LEKR1: variants seen among roughly 807,000 people sequenced by gnomAD.
The protein encoded by LEKR1 is protein LEKR1.
A neutral mutation model predicts 72.4 loss-of-function variants in LEKR1; 59 were observed. That is an observed-to-expected ratio of 0.82 (90% CI 0.66 to 1.01). LEKR1 has a LOEUF of 1.01. LEKR1 is among the 50% of genes least tolerant of loss of function. LEKR1 has a pLI of 0.00. For missense variants in LEKR1, 728 were observed against 759.2 expected (o/e 0.96, Z 0.48); for synonymous variants, 257 against 263.2 (o/e 0.98, Z 0.23).
At chr3:157,040,917 C>T (rs1735297765) in intron 12 of LEKR1, among the ~76,000 whole-genome samples, 1 of 152,180 alleles carries the variant, frequency 6.6e-6, no homozygotes, top group South Asian at 2.1e-4. Flanking sequence ...AAAACCTTCT[C>T]TCCCTTCTTC....
At chr3:156,890,133 A>G (rs111784856) in intron 3 of LEKR1, among the ~76,000 whole-genome samples, 39 of 152,326 alleles carry the variant, frequency 2.6e-4, no homozygotes, top group African/African-American at 7.9e-4. Context: ...TAAATGCTCA[A>G]TGCTCAATAG....
chr3:156,958,665 T>C (rs528276831), intron 6 of LEKR1, among the ~76,000 whole-genome samples: 38 of 152,266 alleles, frequency 2.5e-4, no homozygotes, highest in African/African-American at 8.7e-4. Context: ...GATTTCATTT[T>C]TTCAGCAAGT....
At chr3:156,854,751 G>GCTATGTTGC (rs1168497982) in intron 3 of LEKR1, among the ~76,000 whole-genome samples, 1 of 150,512 alleles carries the variant, frequency 6.6e-6, no homozygotes, top group African/African-American at 2.4e-5. Context: ...ATGCTGTTTT[G>GCTATGTTGC]CTATGTTGCC....
intron 3 of LEKR1, among the ~76,000 whole-genome samples, chr3:156,900,910 C>T (rs1312364088): frequency 2.6e-5 from 4 of 152,004 alleles, no homozygotes; most frequent in Admixed American, 6.6e-5. Flanking sequence ...GCATTATTAA[C>T]GAAACTCTTT....
chr3:156,923,516 T>A (rs1263125491), intron 4 of LEKR1, among the ~76,000 whole-genome samples: 1 of 152,220 alleles, frequency 6.6e-6, no homozygotes, highest in Non-Finnish European at 1.5e-5. Context: ...TGTTCCTTTT[T>A]ATTGCTGAAC....
intron 9 of LEKR1, among the ~76,000 whole-genome samples, chr3:157,000,288 C>G (rs1028704028): frequency 6.6e-6 from 1 of 151,966 alleles, no homozygotes; most frequent in South Asian, 2.1e-4. Flanking sequence ...AAAATGTAAA[C>G]TGTTTACTTA....
rs1729115729 is a variant in LEKR1 at position 156,970,933 on chromosome 3, C to T, written c.746-8261C>T. 2.0e-5 allele frequency among the ~76,000 whole-genome samples: 3 copies of T among 151,854 alleles called. No homozygotes were observed. The South Asian group carries it at 6.3e-4, about 32-fold the overall frequency. On this transcript the variant is annotated intron_variant, in intron 6 of 12. Coordinates refer to ENST00000356539, the MANE Select transcript of LEKR1 (RefSeq NM_001004316.3). ...TACTGCCCAAGGTAATCTATAGATTCAATGCCATCCCCATCAAGCTACCAA... is the reference window on the plus strand; with the variant it reads ...TACTGCCCAAGGTAATCTATAGATTTAATGCCATCCCCATCAAGCTACCAA...
intron 3 of LEKR1, among the ~76,000 whole-genome samples, chr3:156,907,450 G>A (rs1048264826): frequency 1.3e-5 from 2 of 151,870 alleles, no homozygotes; most frequent in African/African-American, 4.8e-5. Context: ...TAGGACCATA[G>A]GTTATTTAAC....
intron 7 of LEKR1, among the ~76,000 whole-genome samples, chr3:156,991,529 C>T (rs11920497): frequency 0.13 from 19,771 of 151,984 alleles, 1,565 homozygotes; most frequent in East Asian, 0.26. Context: ...CAGATTATGA[C>T]TTAACGAGTT....
intron 3 of LEKR1, 30 bp from the exon 4 acceptor site, chr3:156,920,545 T>C (rs1381779301): frequency 3.7e-6 from 5 of 1,340,758 alleles, no homozygotes; most frequent in East Asian, 2.6e-5. Flanking sequence ...TATGAGAGAA[T>C]ACTTAAGGAA....
In LEKR1 at chr3:157,043,046, T is replaced by G. The variant is rs368182127; in HGVS notation, c.1669-2294T>G. Among the ~76,000 whole-genome samples, 23 of 152,288 alleles carry G rather than the reference T, an allele frequency of 1.5e-4. No individual in the cohort carries two copies. In the South Asian group the frequency reaches 3.9e-3, roughly 26 times the overall value. ...TTGGTGCTGTTCTTGTGATACTGAA[T>G]GAGTTCTCATGAGATCTGGTTGTTT... On this transcript the variant is annotated intron_variant, in intron 12 of 12. Coordinates refer to ENST00000356539, the MANE Select transcript of LEKR1 (RefSeq NM_001004316.3).
chr3:156,871,674 T>A (rs925010213), intron 3 of LEKR1, among the ~76,000 whole-genome samples: 7 of 152,106 alleles, frequency 4.6e-5, no homozygotes, highest in Non-Finnish European at 1.0e-4. Flanking sequence ...TGGTATCTCA[T>A]TGTCGTTTTG....
intron 12 of LEKR1, among the ~76,000 whole-genome samples, chr3:157,035,537 G>C (rs1734898395): frequency 6.6e-6 from 1 of 152,108 alleles, no homozygotes; most frequent in African/African-American, 2.4e-5. Context: ...CAAGTAACCA[G>C]GCTTATGTAT....
chr3:156,992,574 G>A (rs115692748), intron 7 of LEKR1, 79 bp from the exon 8 acceptor site: 2,707 of 247,680 alleles, frequency 0.011, 79 homozygotes, highest in African/African-American at 0.06. Flanking sequence ...TTCTTCTATT[G>A]ATGAGTAAAA....
At position 156,921,215 on chromosome 3, in the gene LEKR1, G is replaced by A. The variant is rs1326182642; in HGVS notation, c.383+521G>A. Among the ~76,000 whole-genome samples the A allele has an allele frequency of 2.0e-5, 3 of 152,118 alleles. No individual in the cohort carries two copies. In the East Asian group the frequency reaches 5.8e-4, roughly 29 times the overall value. ...CATTTTCTTTCCTAAAATTTGAATT[G>A]AGTATATTGAGAATGTTTATGAGAA... On this transcript the variant is annotated intron_variant, in intron 4 of 12. Coordinates refer to ENST00000356539, the MANE Select transcript of LEKR1 (RefSeq NM_001004316.3).
intron 6 of LEKR1, among the ~76,000 whole-genome samples, chr3:156,973,146 C>T (rs914123096): frequency 6.6e-6 from 1 of 152,002 alleles, no homozygotes; most frequent in Non-Finnish European, 1.5e-5. Context: ...TTTGCAGGCA[C>T]TCTTATTTCT....
At chr3:157,003,122 C>T (rs766598760) in intron 9 of LEKR1, among the ~76,000 whole-genome samples, 6 of 152,158 alleles carry the variant, frequency 3.9e-5, no homozygotes, top group Non-Finnish European at 5.9e-5. Flanking sequence ...TCTTTTCCAA[C>T]AGGAAACCTA....
intron 3 of LEKR1, among the ~76,000 whole-genome samples, chr3:156,884,487 C>T (rs1389249585): frequency 1.3e-5 from 2 of 152,088 alleles, no homozygotes; most frequent in African/African-American, 2.4e-5. Context: ...GTGGTAAATT[C>T]TCTCAGGATT....
intron 3 of LEKR1, among the ~76,000 whole-genome samples, chr3:156,876,011 A>AAAAAAG (rs1560043582): frequency 6.6e-6 from 1 of 151,166 alleles, no homozygotes; most frequent in African/African-American, 2.4e-5. Flanking sequence ...AAAAAAAAAA[A>AAAAAAG]AAAAAGAAAT....
Sources: gnomAD v4.1 joint callset for allele counts (sites outside exome capture counted in the v4.1 genomes callset) on GRCh38, gnomAD v4.1.1 for gene constraint, MANE v1.5 for transcripts, NCBI Gene and HGNC (gene_info 2026-07-23, HGNC 2026-07-21) for gene names.